FAM184B: variants seen among roughly 807,000 people sequenced by gnomAD.
FAM184B encodes protein FAM184B.
FAM184B carries 111 observed loss-of-function variants against 135.9 expected under a neutral mutation model. That is an observed-to-expected ratio of 0.82 (90% CI 0.70 to 0.96). The LOEUF (loss-of-function observed/expected upper bound fraction) is 0.96. Among genes scored for constraint, FAM184B ranks in the 40% least tolerant of loss-of-function variants. FAM184B has a pLI of 0.00. For synonymous variants in FAM184B, 552 were observed against 524.8 expected, an observed-to-expected ratio of 1.05 and a Z score of -0.71; for missense variants, 1,375 against 1,323.9, an observed-to-expected ratio of 1.04 and a Z score of -0.60.
intron 1 of FAM184B, among the ~76,000 whole-genome samples, chr4:17,758,185 A>G (rs996237015): frequency 6.6e-6 from 1 of 152,224 alleles, no homozygotes; most frequent in Non-Finnish European, 1.5e-5. Flanking sequence ...TTCCTAGCTC[A>G]AGGAATATAA....
chr4:17,716,560 G>C (rs1464670921), intron 1 of FAM184B, among the ~76,000 whole-genome samples: 2 of 151,864 alleles, frequency 1.3e-5, no homozygotes, highest in Non-Finnish European at 2.9e-5. Flanking sequence ...TGCCCAGGTT[G>C]GTCTCGAACT....
chr4:17,653,930 G>GAGAGA (rs1402544369), intron 10 of FAM184B, among the ~76,000 whole-genome samples: 22 of 135,856 alleles, frequency 1.6e-4, no homozygotes, highest in Middle Eastern at 3.8e-3. Flanking sequence ...GGGAGGGGGA[G>GAGAGA]GGGGATTTGA....
intron 1 of FAM184B, among the ~76,000 whole-genome samples, chr4:17,777,826 G>A (rs1352989902): frequency 2.6e-5 from 4 of 152,174 alleles, no homozygotes. Flanking sequence ...ATTAAAGAAA[G>A]CATATGCACC....
intron 13 of FAM184B, among the ~76,000 whole-genome samples, chr4:17,640,054 A>G (rs1354076045): frequency 6.7e-6 from 1 of 149,504 alleles, no homozygotes; most frequent in East Asian, 2.0e-4. Context: ...CTAGTCTCGA[A>G]CTCCTGACCT....
chr4:17,639,383 T>G lies in FAM184B; in HGVS notation c.2533A>C (p.Thr845Pro). Residue 845 changes from threonine (T) to proline (P), a missense_variant, in exon 14 of 18, where the codon ACT becomes CCT. Coordinates refer to ENST00000265018, the MANE Select transcript of FAM184B (RefSeq NM_015688.2). ...LRDQRRFLEETQQAQRAREVE... is the reference protein window; with the variant it reads ...LRDQRRFLEEPQQAQRAREVE... ...TCCCTGGCCCGCTGGGCTTGCTGAGTCTCCTCCAGGAACCTGTGGTGGATG... is the reference window on the plus strand; with the variant it reads ...TCCCTGGCCCGCTGGGCTTGCTGAGGCTCCTCCAGGAACCTGTGGTGGATG... 3.9e-6 allele frequency: 6 copies of G among 1,551,406 alleles called. No individual in the cohort carries two copies. Among genetic ancestry groups the G allele is most frequent in the Non-Finnish European group, 5.2e-6 (6 of 1,146,936 alleles).
At chr4:17,673,170 G>GA (rs1174904988) in intron 7 of FAM184B, among the ~76,000 whole-genome samples, 1 of 152,000 alleles carries the variant, frequency 6.6e-6, no homozygotes, top group East Asian at 1.9e-4. Context: ...ACAAACCTAT[G>GA]AAAAAAAGCT....
At chr4:17,680,718 C>G (rs898246675) in intron 7 of FAM184B, among the ~76,000 whole-genome samples, 1 of 152,182 alleles carries the variant, frequency 6.6e-6, no homozygotes, top group Non-Finnish European at 1.5e-5. Flanking sequence ...ATCTGCTTCT[C>G]CTTTCCAAAC....
chr4:17,665,898 G>GCC (rs139901488), intron 7 of FAM184B, among the ~76,000 whole-genome samples: 4 of 150,042 alleles, frequency 2.7e-5, no homozygotes, highest in East Asian at 2.0e-4. Flanking sequence ...TCCTCCCCCC[G>GCC]CCCCCCAGTT....
intron 7 of FAM184B, among the ~76,000 whole-genome samples, chr4:17,682,833 G>A (rs1048927713): frequency 1.3e-5 from 2 of 152,080 alleles, no homozygotes; most frequent in Admixed American, 6.6e-5. Flanking sequence ...GAAGTGCTTT[G>A]CAGAACAGCT....
chr4:17,732,575 T>A (rs912069584), intron 1 of FAM184B, among the ~76,000 whole-genome samples: 9 of 152,098 alleles, frequency 5.9e-5, no homozygotes, highest in Non-Finnish European at 1.0e-4. Flanking sequence ...ACAGATAAAC[T>A]AGAAAATCTG....
chr4:17,705,901 T>C lies in FAM184B; in HGVS notation c.1031-10A>G, dbSNP rs374507425. Reference sequence around the variant, plus strand: ...TCAGTCTTCATGGCATCTGCAAGCATACATTTCAGCATTATTTGGAATGCT... The same window carrying C: ...TCAGTCTTCATGGCATCTGCAAGCACACATTTCAGCATTATTTGGAATGCT... On this transcript the variant is annotated splice_polypyrimidine_tract_variant and intron_variant, in intron 3 of 17. Transcript: ENST00000265018. The C allele has an allele frequency of 2.6e-6, 4 of 1,552,072 alleles. No individual in the cohort carries two copies. Among genetic ancestry groups the C allele is most frequent in the African/African-American group, 2.7e-5 (2 of 73,064 alleles).
chr4:17,690,766 C>T (rs1716714810), intron 6 of FAM184B, among the ~76,000 whole-genome samples: 1 of 151,894 alleles, frequency 6.6e-6, no homozygotes, highest in African/African-American at 2.4e-5. Context: ...GCAAGTCATT[C>T]CAAGGATCTT....
intron 2 of FAM184B, among the ~76,000 whole-genome samples, chr4:17,708,437 G>C (rs1283890595): frequency 6.6e-6 from 1 of 151,596 alleles, no homozygotes; most frequent in Non-Finnish European, 1.5e-5. Context: ...CTGAGGTCAG[G>C]AGTTGGAGAC....
At chr4:17,657,094 A>G (rs1560169405) in intron 10 of FAM184B, among the ~76,000 whole-genome samples, 1 of 152,216 alleles carries the variant, frequency 6.6e-6, no homozygotes, top group Non-Finnish European at 1.5e-5. Flanking sequence ...ATTGAGCTAA[A>G]TGAATTATTA....
At chr4:17,765,582 A>T (rs889287827) in intron 1 of FAM184B, among the ~76,000 whole-genome samples, 4 of 152,338 alleles carry the variant, frequency 2.6e-5, no homozygotes, top group African/African-American at 9.6e-5. Context: ...AAACAGTAGA[A>T]GCTCTTTGGC....
In FAM184B at chr4:17,705,530, C is replaced by T. The variant is rs576360528; in HGVS notation, c.1170+222G>A. Among the ~76,000 whole-genome samples, 7 of 152,274 alleles carry T rather than the reference C, an allele frequency of 4.6e-5. No individual in the cohort carries two copies. In the East Asian group the frequency reaches 9.7e-4, roughly 21 times the overall value. On this transcript the variant is annotated intron_variant, in intron 4 of 17. Transcript: ENST00000265018. ...AGCCAGTTTCCAGTTTCCCAGAAGC[C>T]GATGATATAGCGTTGGGAGGATTCT...
chr4:17,705,856 C>T lies in FAM184B; in HGVS notation c.1066G>A (p.Val356Ile). 1 of 1,552,268 alleles carries T rather than the reference C, an allele frequency of 6.4e-7. No individual in the cohort carries two copies. Among genetic ancestry groups the T allele is most frequent in the Non-Finnish European group, 8.7e-7 (1 of 1,147,128 alleles). ...MKTELVSENKVLREENDLEAG... is the reference protein window; with the variant it reads ...MKTELVSENKILREENDLEAG... ...TCCAAGTCATTCTCTTCCCGCAGGA[C>T]TTTGTTCTCTGAAACTAACTCAGTC... The change falls in exon 4 of 18, where the codon GTC becomes ATC. Residue 356 changes from valine (V) to isoleucine (I), a missense_variant. Val to Ile is a conservative substitution (Grantham distance 29). Coordinates refer to ENST00000265018, the MANE Select transcript of FAM184B (RefSeq NM_015688.2).
intron 14 of FAM184B, among the ~76,000 whole-genome samples, chr4:17,637,148 C>G (rs964774944): frequency 6.6e-6 from 1 of 152,140 alleles, no homozygotes; most frequent in Non-Finnish European, 1.5e-5. Flanking sequence ...TGCCTCACAG[C>G]CTCCTGAGCA....
intron 5 of FAM184B, 28 bp downstream of exon 5, chr4:17,704,972 G>T (rs1031155338): frequency 6.5e-7 from 1 of 1,538,512 alleles, no homozygotes. Context: ...AAAAGAACCA[G>T]AACAGTCTCT....
Sources: gnomAD v4.1 joint callset for allele counts (sites outside exome capture counted in the v4.1 genomes callset) on GRCh38, gnomAD v4.1.1 for gene constraint, MANE v1.5 for transcripts, NCBI Gene and HGNC (gene_info 2026-07-23, HGNC 2026-07-21) for gene names.